Variants in VCAM1 observed in about 807,000 individuals in gnomAD.
VCAM1 encodes the protein vascular cell adhesion protein 1.
In VCAM1, 41 loss-of-function variants were observed where a neutral mutation model predicts 63.8. That is an observed-to-expected ratio of 0.64 (90% CI 0.50 to 0.83). VCAM1 has a LOEUF of 0.83. Ranked by LOEUF, VCAM1 falls within the 40% of genes least tolerant of loss-of-function variation. The pLI is 0.00. For missense variants in VCAM1, 798 were observed against 875.5 expected, an observed-to-expected ratio of 0.91 and a Z score of 1.12; for synonymous variants, 338 against 320.7, an observed-to-expected ratio of 1.05 and a Z score of -0.58.
At position 100,720,608 on chromosome 1, in the gene VCAM1, C is replaced by T. The variant is rs1405360711; in HGVS notation, c.197C>T (p.Pro66Leu). ...TCTTGGAGAACCCAGATAGATAGTCCACTGAATGGGAAGGTGACGAATGAG... is the reference window on the plus strand; with the variant it reads ...TCTTGGAGAACCCAGATAGATAGTCTACTGAATGGGAAGGTGACGAATGAG... ...FFSWRTQIDSPLNGKVTNEGT... is the reference protein window; with the variant it reads ...FFSWRTQIDSLLNGKVTNEGT... Residue 66 changes from proline to leucine, a missense_variant, in exon 2 of 9, where the codon CCA becomes CTA. Coordinates refer to ENST00000294728, the MANE Select transcript of VCAM1 (RefSeq NM_001078.4). 4 of 1,613,194 alleles carry T rather than the reference C, an allele frequency of 2.5e-6. No individual in the cohort carries two copies. The highest frequency in any genetic ancestry group is 3.4e-6 in the Non-Finnish European group (4 of 1,179,534).
At chr1:100,730,525 G>T (rs1660412281) in intron 5 of VCAM1, among the ~76,000 whole-genome samples, 1 of 152,086 alleles carries the variant, frequency 6.6e-6, no homozygotes, top group South Asian at 2.1e-4. Context: ...TATTATCTGA[G>T]AAATATTTAA....
rs753116281 is a variant in VCAM1, at chr1:100,729,095, CCTG to C, written c.929-11_929-9del. On this transcript the variant is annotated splice_polypyrimidine_tract_variant and intron_variant, in intron 4 of 8. Transcript: ENST00000294728. ...TATGTTCTTTTCATCTTGTTTTCCA[CCTG>C]TGTCCCAGAGAAACCATTTACTGTT... The C allele has an allele frequency of 6.6e-7, 1 of 1,503,834 alleles. No homozygotes were observed. Among genetic ancestry groups the C allele is most frequent in the Non-Finnish European group, 8.9e-7 (1 of 1,124,506 alleles). The allele number at this position is 1,503,834 out of a possible 1,614,324, so 93.2% of individuals were successfully genotyped here.
Position 100,738,391 on chromosome 1 carries a change from A to G in VCAM1, c.*108A>G. 6.2e-6 allele frequency: 8 copies of G among 1,290,358 alleles called. No individual in the cohort carries two copies. Among genetic ancestry groups the G allele is most frequent in the Non-Finnish European group, 6.4e-6 (6 of 940,558 alleles). 79.9% of individuals were successfully genotyped at this position (1,290,358 alleles called of 1,614,324 possible). A position where few individuals can be genotyped will look rare whatever the true frequency, so the allele number is the denominator to read the frequency against. The stretch of plus-strand genomic sequence containing the variant: ...TGAGCTGAGAGGCAGACTTCCCTGA[A>G]TGTATTGAACTTGGAAAGAAATGCC... On this transcript the variant is annotated 3_prime_UTR_variant, in exon 9 of 9. Transcript: ENST00000294728.
chr1:100,721,227 A>T (rs1021828237), intron 2 of VCAM1, among the ~76,000 whole-genome samples: 1 of 152,126 alleles, frequency 6.6e-6, no homozygotes, highest in African/African-American at 2.4e-5. Flanking sequence ...ATTAGTATAA[A>T]AGTGTTCTTC....
At chr1:100,729,657 G>A (rs1487799908) in intron 5 of VCAM1, among the ~76,000 whole-genome samples, 2 of 152,106 alleles carry the variant, frequency 1.3e-5, no homozygotes, top group Non-Finnish European at 2.9e-5. Flanking sequence ...CATGCTGGAG[G>A]TGAGTGCATT....
intron 2 of VCAM1, among the ~76,000 whole-genome samples, chr1:100,722,511 TG>T (rs1350855096): frequency 6.6e-6 from 1 of 152,104 alleles, no homozygotes; most frequent in Non-Finnish European, 1.5e-5. Flanking sequence ...TAAGAAAATG[TG>T]ATGTAACATA....
chr1:100,729,528 A>T, intron 5 of VCAM1, 146 bp downstream of exon 5: 1 of 974,282 alleles, frequency 1.0e-6, no homozygotes, highest in Non-Finnish European at 1.5e-6. Flanking sequence ...CTGAATCAGA[A>T]TGGTTTGATG....
chr1:100,731,016 A>G lies in VCAM1; in HGVS notation c.1205-182A>G, dbSNP rs1435717700. Among the ~76,000 whole-genome samples the G allele has an allele frequency of 6.6e-6, 1 of 152,172 alleles. No individual in the cohort carries two copies. The highest frequency in any genetic ancestry group is 1.5e-5 in the Non-Finnish European group (1 of 68,020). On this transcript the variant is annotated intron_variant, in intron 5 of 8. Coordinates refer to ENST00000294728, the MANE Select transcript of VCAM1 (RefSeq NM_001078.4). The surrounding 1 kb of genome is among the most constrained non-coding windows in gnomAD (Gnocchi z 4.2). ...ATACTAAGTAGTTTTTGTTTCTAAC[A>G]TTATTCATATATAATATCATAAATA...
In VCAM1 at chr1:100,723,065, C is replaced by T; in HGVS notation, c.386C>T (p.Ala129Val). Residue 129 changes from alanine to valine, a missense_variant, in exon 3 of 9, where the codon GCT becomes GTT. Transcript: ENST00000294728. ...PEIHLSGPLE[A>V]GKPITVKCSV... ...ATTCATTTGAGTGGCCCTCTGGAGG[C>T]TGGGAAGCCGATCACAGTCAAGTGT... 1.9e-6 allele frequency: 3 copies of T among 1,612,612 alleles called. No homozygotes were observed. The highest frequency in any genetic ancestry group is 3.3e-5 in the Admixed American group (2 of 59,850).
intron 8 of VCAM1, chr1:100,736,455 A>C (rs2100836538): frequency 6.6e-6 from 1 of 152,282 alleles, no homozygotes. Flanking sequence ...TTTTTAAAAG[A>C]TATTCAGTGT....
chr1:100,730,045 A>G (rs1660380130), intron 5 of VCAM1, among the ~76,000 whole-genome samples: 1 of 152,160 alleles, frequency 6.6e-6, no homozygotes. Flanking sequence ...TCCTCAGTCC[A>G]TATTGAATGA....
chr1:100,734,376 C>G, intron 7 of VCAM1, 126 bp from the exon 8 acceptor site: 1 of 1,063,740 alleles, frequency 9.4e-7, no homozygotes, highest in Non-Finnish European at 1.3e-6. Flanking sequence ...ACTTGCCCTT[C>G]TTAACATTTA....
intron 4 of VCAM1, among the ~76,000 whole-genome samples, chr1:100,727,997 T>C (rs1293033622): frequency 6.6e-6 from 1 of 152,104 alleles, no homozygotes; most frequent in Non-Finnish European, 1.5e-5. Flanking sequence ...AATTTACAAG[T>C]AAGATTTCAG....
chr1:100,727,787 GT>G (rs1436075854), intron 4 of VCAM1, among the ~76,000 whole-genome samples: 1 of 152,028 alleles, frequency 6.6e-6, no homozygotes, highest in African/African-American at 2.4e-5. Context: ...AGCTCTGGTT[GT>G]TTTTGTGAAT....
intron 4 of VCAM1, among the ~76,000 whole-genome samples, chr1:100,725,708 T>C (rs1311368737): frequency 6.6e-6 from 1 of 152,102 alleles, no homozygotes; most frequent in African/African-American, 2.4e-5. Context: ...TTGATGCAGG[T>C]TCATTTTAAT....
chr1:100,737,622 A>T (rs981211317), intron 8 of VCAM1: 2 of 150,692 alleles, frequency 1.3e-5, no homozygotes, highest in Non-Finnish European at 3.0e-5. Flanking sequence ...CATTGGCAAG[A>T]TTTTTTTTTT....
chr1:100,734,444 A>G (rs1571462108), intron 7 of VCAM1, 58 bp from the exon 8 acceptor site: 4 of 1,545,418 alleles, frequency 2.6e-6, no homozygotes, highest in South Asian at 2.5e-5. Context: ...CGCTAAATTA[A>G]TATGGAGTTG....
intron 3 of VCAM1, among the ~76,000 whole-genome samples, chr1:100,723,577 A>G (rs1209047062): frequency 6.6e-6 from 1 of 152,088 alleles, no homozygotes; most frequent in Non-Finnish European, 1.5e-5. Flanking sequence ...AGTTTGGGTT[A>G]CTTAATTTCT....
Position 100,731,175 on chromosome 1 carries a change from T to G in VCAM1, c.1205-23T>G. On this transcript the variant is annotated intron_variant, in intron 5 of 8. Coordinates refer to ENST00000294728, the MANE Select transcript of VCAM1 (RefSeq NM_001078.4). The surrounding 1 kb of genome is among the most constrained non-coding windows in gnomAD (Gnocchi z 4.2). ...TTTCCTTGAATATCAAGAATAAAAA[T>G]CGTTTTTGCTTGCGATTTGCAGCAT... is the stretch of plus-strand genomic sequence containing the variant. 9 of 1,564,122 alleles carry G rather than the reference T, an allele frequency of 5.8e-6. No homozygotes were observed. Among genetic ancestry groups the G allele is most frequent in the African/African-American group, 1.4e-5 (1 of 72,596 alleles).
Sources: gnomAD v4.1 joint callset for allele counts (sites outside exome capture counted in the v4.1 genomes callset) on GRCh38, gnomAD v4.1.1 for gene constraint, Gnocchi (gnomAD v3.1) non-coding constraint, MANE v1.5 for transcripts, NCBI Gene and HGNC (gene_info 2026-07-23, HGNC 2026-07-21) for gene names.